Variants in CDH15 observed in about 807,000 individuals in gnomAD.
CDH15 encodes cadherin-15.
CDH15 carries 73 observed loss-of-function variants against 69.4 expected under a neutral mutation model. The ratio of observed to expected loss-of-function variants is 1.05; its 90% CI spans 0.87 to 1.28. The LOEUF (loss-of-function observed/expected upper bound fraction) is 1.28. Ranked by LOEUF, CDH15 falls within the 50% of genes most tolerant of loss-of-function variation. The probability of loss-of-function intolerance (pLI) is 0.00; values close to 1 mark genes in which losing one functional copy is unlikely to be tolerated. For synonymous variants in CDH15, 624 were observed against 507.7 expected (o/e 1.23, Z -3.08); for missense variants, 1,343 against 1,133.6 (o/e 1.18, Z -2.65).
chr16:89,187,443 C>T lies in CDH15; in HGVS notation c.678C>T (p.Tyr226=). 4 of 1,613,240 alleles carry T rather than the reference C, an allele frequency of 2.5e-6. No individual in the cohort carries two copies. In the East Asian group the frequency reaches 6.7e-5, roughly 27 times the overall value. ...VGLDREVVAV[Y]NLTLQVADMS... is the part of the protein sequence containing the mutation. ...CACATCCCCAGGTGGTCGCGGTGTA[C>T]AATCTGACCCTGCAGGTGGCGGACA... Residue 226 remains tyrosine (Y), a synonymous_variant, in exon 6 of 14, where the codon TAC becomes TAT. Coordinates refer to ENST00000289746, the MANE Select transcript of CDH15 (RefSeq NM_004933.3).
At chr16:89,179,341 C>T in intron 1 of CDH15, 75 bp from the exon 2 acceptor site, 1 of 1,571,114 alleles carries the variant, frequency 6.4e-7, no homozygotes. Context: ...CCTCACCACC[C>T]ACAGCTCCCA....
At position 89,195,147 on chromosome 16, in the gene CDH15, A is replaced by G; in HGVS notation, c.2437A>G (p.Thr813Ala). The change falls in exon 14 of 14, where the codon ACA (threonine) becomes GCA (alanine). Residue 813 changes from threonine (T) to alanine (A), a missense_variant. By Grantham distance (58) the Thr-to-Ala change is moderately conservative (BLOSUM62 0). Transcript: ENST00000289746. ...GALLPRHRGR[T>A]A ...ACTGCTACCCAGACACAGAGGCCGG[A>G]CAGCCTGACCCTGGGGCGCAACTGG... 1.3e-6 allele frequency: 2 copies of G among 1,591,298 alleles called. No individual in the cohort carries two copies. Among genetic ancestry groups the G allele is most frequent in the Non-Finnish European group, 8.6e-7 (1 of 1,168,836 alleles).
chr16:89,182,600 C>A (rs961285329), intron 3 of CDH15: 10 of 151,670 alleles, frequency 6.6e-5, no homozygotes, highest in African/African-American at 2.4e-4. Flanking sequence ...CAAGATCACA[C>A]CACTGCACTC....
chr16:89,185,904 A>G (rs1366659242), intron 5 of CDH15: 1 of 184,906 alleles, frequency 5.4e-6, no homozygotes, highest in Non-Finnish European at 1.2e-5. Context: ...CCCAGCGCAC[A>G]GTGGTGCTCT....
chr16:89,192,389 A>C lies in CDH15; in HGVS notation c.1800A>C (p.Thr600=). ...CCGCAGCGCTGCTGGCGGGGGGCAC[A>C]GGCCTCAGCCTGGGCGCACTGGTCA... ...PGAAALLAGG[T]GLSLGALVIV... Residue 600 remains threonine (T), a synonymous_variant, in exon 11 of 14, where the codon ACA becomes ACC. Transcript: ENST00000289746. 6.5e-7 allele frequency: 1 copy of C among 1,538,006 alleles called. No individual in the cohort carries two copies. Among genetic ancestry groups the C allele is most frequent in the Non-Finnish European group, 8.7e-7 (1 of 1,148,502 alleles).
rs1397260949 is a variant in CDH15 at position 89,187,487 on chromosome 16, C to T, written c.722C>T (p.Thr241Ile). 3.1e-6 allele frequency: 5 copies of T among 1,613,668 alleles called. No homozygotes were observed. Among genetic ancestry groups the T allele is most frequent in the Non-Finnish European group, 1.7e-6 (2 of 1,180,008 alleles). The change falls in exon 6 of 14, where the codon ACA becomes ATA. Residue 241 changes from threonine (T) to isoleucine (I), a missense_variant. Physicochemically the swap from Thr to Ile is moderately conservative, Grantham distance 89. Coordinates refer to ENST00000289746, the MANE Select transcript of CDH15 (RefSeq NM_004933.3). ...QVADMSGDGL[T>I]ATASAIITLD... ...GCGGACATGTCTGGAGACGGCCTCA[C>T]AGCCACTGCCTCAGCCATCATCACC...
intron 5 of CDH15, chr16:89,185,751 C>G (rs1019090302): frequency 3.4e-6 from 1 of 293,998 alleles, no homozygotes; most frequent in Non-Finnish European, 6.7e-6. Context: ...TACACTGTTA[C>G]GTGGTCTTTG....
intron 1 of CDH15, among the ~76,000 whole-genome samples, chr16:89,178,734 C>A (rs1231378855): frequency 1.3e-5 from 2 of 152,236 alleles, no homozygotes; most frequent in East Asian, 3.8e-4. Context: ...ATTACGGATA[C>A]ATCTCCAGCT....
chr16:89,183,537 T>A lies in CDH15; in HGVS notation c.358-11T>A. On this transcript the variant is annotated splice_polypyrimidine_tract_variant and intron_variant, in intron 3 of 13. Transcript: ENST00000289746. ...GGCCACAGAGCCAGCCCTTGCTCTA[T>A]GTTTGAACAGCTAAGAGCGTTTGCC... is the stretch of plus-strand genomic sequence containing the variant. The A allele has an allele frequency of 6.2e-7, 1 of 1,614,082 alleles. No individual in the cohort carries two copies. The highest frequency in any genetic ancestry group is 8.5e-7 in the Non-Finnish European group (1 of 1,180,028).
chr16:89,175,186 G>A lies in CDH15; in HGVS notation c.42+3313G>A, dbSNP rs188569524. Reference sequence around the variant, plus strand: ...CTGGCTTGACCACACCCGGCCCAGCGTGACTGGAGGGTCTCCGGTGGAGGC... The same window carrying A: ...CTGGCTTGACCACACCCGGCCCAGCATGACTGGAGGGTCTCCGGTGGAGGC... On this transcript the variant is annotated intron_variant, in intron 1 of 13. Coordinates refer to ENST00000289746, the MANE Select transcript of CDH15 (RefSeq NM_004933.3). Among the ~76,000 whole-genome samples the A allele has an allele frequency of 2.5e-4, 38 of 152,338 alleles. No individual in the cohort carries two copies. In the East Asian group the frequency reaches 6.6e-3, roughly 26 times the overall value.
Position 89,180,211 on chromosome 16 carries a change from C to T in CDH15, c.213C>T (p.Asp71=). The T allele has an allele frequency of 6.2e-7, 1 of 1,610,938 alleles. No homozygotes were observed. The highest frequency in any genetic ancestry group is 2.0e-4 in the Middle Eastern group (1 of 5,126). ...TTCCTGCCCCACAGATCAAGTCGGA[C>T]AAGCAGCAGCTGGGCAGCGTCATCT... ...LPYPLVQIKS[D]KQQLGSVIYS... Residue 71 remains aspartate, a synonymous_variant, in exon 3 of 14, where the codon GAC becomes GAT. Transcript: ENST00000289746.
chr16:89,183,436 G>C, intron 3 of CDH15, 112 bp from the exon 4 acceptor site: 1 of 1,252,828 alleles, frequency 8.0e-7, no homozygotes, highest in South Asian at 1.3e-5. Flanking sequence ...GTTTAAGCTG[G>C]TGTTTCCAGC....
rs543467772 is a variant in CDH15, at chr16:89,180,322, C to G, written c.324C>G (p.Ala108=). ...DKFTGKVFLN[A]MLDREKTDRF... Reference sequence around the variant, plus strand: ...TCACAGGGAAGGTCTTCCTCAATGCCATGCTGGACCGCGAGAAGACTGATC... The same window carrying G: ...TCACAGGGAAGGTCTTCCTCAATGCGATGCTGGACCGCGAGAAGACTGATC... The change falls in exon 3 of 14, where the codon GCC becomes GCG. Residue 108 remains alanine, a synonymous_variant. Transcript: ENST00000289746. 48 of 1,612,672 alleles carry G rather than the reference C, an allele frequency of 3.0e-5. 1 individual carries two copies. The South Asian group carries it at 4.7e-4, about 16-fold the overall frequency.
chr16:89,179,122 G>A (rs531754092), intron 1 of CDH15, among the ~76,000 whole-genome samples: 2 of 152,354 alleles, frequency 1.3e-5, no homozygotes, highest in East Asian at 3.9e-4. Flanking sequence ...CCTGGCTGCT[G>A]AGTGGGCCCA....
At chr16:89,184,440 G>A (rs1259209062) in intron 4 of CDH15, among the ~76,000 whole-genome samples, 1 of 152,168 alleles carries the variant, frequency 6.6e-6, no homozygotes, top group South Asian at 2.1e-4. Flanking sequence ...AGAGGGAAAT[G>A]GGGGGAGGTG....
chr16:89,189,762 AAG>A (rs1915595848), intron 7 of CDH15, among the ~76,000 whole-genome samples: 1 of 152,236 alleles, frequency 6.6e-6, no homozygotes, highest in Non-Finnish European at 1.5e-5. Context: ...CTGACACAGT[AAG>A]AGGTTTACTG....
chr16:89,174,390 A>C lies in CDH15; in HGVS notation c.42+2517A>C, dbSNP rs116794752. On this transcript the variant is annotated intron_variant, in intron 1 of 13. Coordinates refer to ENST00000289746, the MANE Select transcript of CDH15 (RefSeq NM_004933.3). ...ACACGCCACCAAGCGTGTTCCTAGA[A>C]TCTCGTAGCACCCTTCCTTGGAAAA... 5.7e-3 allele frequency among the ~76,000 whole-genome samples: 869 copies of C among 152,162 alleles called. 8 individuals carry two copies. Among genetic ancestry groups the C allele is most frequent in the African/African-American group, 0.02 (828 of 41,514 alleles).
chr16:89,177,225 C>A (rs1915276372), intron 1 of CDH15, among the ~76,000 whole-genome samples: 1 of 152,058 alleles, frequency 6.6e-6, no homozygotes, highest in African/African-American at 2.4e-5. Flanking sequence ...CACAGCCCTG[C>A]AGTGGGGGGC....
intron 3 of CDH15, among the ~76,000 whole-genome samples, chr16:89,180,974 CTTT>C (rs770080908): frequency 2.1e-5 from 2 of 96,984 alleles, no homozygotes; most frequent in African/African-American, 4.3e-5. Context: ...CGCGCCCGAC[CTTT>C]TTTTTTTTTT....
Sources: gnomAD v4.1 joint callset for allele counts (sites outside exome capture counted in the v4.1 genomes callset) on GRCh38, gnomAD v4.1.1 for gene constraint, MANE v1.5 for transcripts, NCBI Gene and HGNC (gene_info 2026-07-23, HGNC 2026-07-21) for gene names.